TAOK3: variants seen among roughly 807,000 people sequenced by gnomAD.
TAOK3 encodes the protein TAO kinase 3.
In TAOK3, 40 loss-of-function variants were observed where a neutral mutation model predicts 120.4. The observed-to-expected ratio is 0.33, with a 90% CI of 0.26 to 0.43. The LOEUF (loss-of-function observed/expected upper bound fraction) is 0.43, where lower values mean the gene tolerates loss of function less well. Among genes scored for constraint, TAOK3 ranks in the 20% least tolerant of loss-of-function variants. The pLI, the probability that TAOK3 is intolerant of heterozygous loss-of-function variation, is 1.00. For missense variants in TAOK3, 821 were observed against 1,112.1 expected, an observed-to-expected ratio of 0.74 and a Z score of 3.72; for synonymous variants, 355 against 387.5, an observed-to-expected ratio of 0.92 and a Z score of 0.99.
At chr12:118,288,926 AAAAAAAAAAG>A (rs2042365440) in intron 1 of TAOK3, among the ~76,000 whole-genome samples, 1 of 151,392 alleles carries the variant, frequency 6.6e-6, no homozygotes, top group Non-Finnish European at 1.5e-5. Flanking sequence ...AAAAAAAAAA[AAAAAAAAAAG>A]AAAGAAAGAA....
intron 8 of TAOK3, among the ~76,000 whole-genome samples, chr12:118,234,846 C>T (rs2039956518): frequency 6.6e-6 from 1 of 152,168 alleles, no homozygotes; most frequent in Non-Finnish European, 1.5e-5. Flanking sequence ...CTTGTTTGTC[C>T]ATAATGCATC....
intron 1 of TAOK3, among the ~76,000 whole-genome samples, chr12:118,346,959 C>A (rs2044884377): frequency 6.6e-6 from 1 of 152,188 alleles, no homozygotes; most frequent in Admixed American, 6.5e-5. Context: ...CTTCCTCCTT[C>A]AGTTTTCCTT....
At chr12:118,236,002 G>T in intron 7 of TAOK3, 1 of 202,122 alleles carries the variant, frequency 4.9e-6, no homozygotes, top group Non-Finnish European at 1.0e-5. Context: ...ATTCTTAAAG[G>T]CTAAATCCAG....
chr12:118,305,657 C>A (rs564344356), intron 1 of TAOK3, among the ~76,000 whole-genome samples: 38 of 152,078 alleles, frequency 2.5e-4, no homozygotes, highest in Non-Finnish European at 4.9e-4. Context: ...GTAATCTCAG[C>A]ACTTTAGGAG....
chr12:118,295,994 A>C (rs2042666318), intron 1 of TAOK3, among the ~76,000 whole-genome samples: 1 of 152,206 alleles, frequency 6.6e-6, no homozygotes, highest in African/African-American at 2.4e-5. Flanking sequence ...AATCCCCTAG[A>C]AAGTCCTAGG....
intron 1 of TAOK3, among the ~76,000 whole-genome samples, chr12:118,370,852 A>G (rs974669800): frequency 6.6e-6 from 1 of 152,130 alleles, no homozygotes; most frequent in African/African-American, 2.4e-5. Context: ...GCCTCCCACC[A>G]GGACACACAG....
At chr12:118,342,443 T>C (rs1486462024) in intron 1 of TAOK3, among the ~76,000 whole-genome samples, 1 of 152,208 alleles carries the variant, frequency 6.6e-6, no homozygotes, top group Non-Finnish European at 1.5e-5. Flanking sequence ...AAATAGTACA[T>C]TTCATTTAAA....
intron 1 of TAOK3, among the ~76,000 whole-genome samples, chr12:118,292,099 G>T (rs912603333): frequency 6.6e-6 from 1 of 152,078 alleles, no homozygotes; most frequent in Admixed American, 6.6e-5. Flanking sequence ...GAGCCACTGC[G>T]CCCAACCCCA....
intron 1 of TAOK3, among the ~76,000 whole-genome samples, 186 bp from the exon 2 acceptor site, chr12:118,266,945 C>T (rs755370518): frequency 1.1e-4 from 17 of 152,206 alleles, no homozygotes; most frequent in African/African-American, 2.4e-4. Flanking sequence ...TACTCTTTCA[C>T]AGGCAATATC....
chr12:118,320,579 T>G (rs1826915535), intron 1 of TAOK3, among the ~76,000 whole-genome samples: 1 of 152,198 alleles, frequency 6.6e-6, no homozygotes, highest in Admixed American at 6.5e-5. Context: ...GTAATAGTTA[T>G]GATTGATTGG....
chr12:118,161,903 A>T lies in TAOK3; in HGVS notation c.2024T>A (p.Ile675Asn). 6.2e-7 allele frequency: 1 copy of T among 1,613,770 alleles called. No individual in the cohort carries two copies. Among genetic ancestry groups the T allele is most frequent in the Non-Finnish European group, 8.5e-7 (1 of 1,179,994 alleles). ...HTLQKLRMDL[I>N]RLQHQTELEN... ...CAGTTCCGTCTGGTGCTGTAAACGG[A>T]TCAGATCCATGCGTAGCTTCTGTAA... The change falls in exon 18 of 21, where the codon ATC (isoleucine) becomes AAC (asparagine). Residue 675 changes from isoleucine to asparagine, a missense_variant. By Grantham distance (149) the Ile-to-Asn change is moderately radical. Transcript: ENST00000392533. The surrounding 1 kb of genome is among the most constrained non-coding windows in gnomAD (Gnocchi z 4.5).
chr12:118,232,527 G>A (rs2039828595), intron 9 of TAOK3, among the ~76,000 whole-genome samples: 1 of 152,162 alleles, frequency 6.6e-6, no homozygotes. Context: ...ATAGTATGGA[G>A]AATGGATATT....
chr12:118,316,888 G>A (rs1216415451), intron 1 of TAOK3, among the ~76,000 whole-genome samples: 1 of 152,044 alleles, frequency 6.6e-6, no homozygotes, highest in African/African-American at 2.4e-5. Context: ...TCTATAATAA[G>A]AGCAAAAAGA....
At chr12:118,196,094 T>TAAATAAATAAATAAATAAAA (rs1338241804) in intron 13 of TAOK3, among the ~76,000 whole-genome samples, 3 of 145,968 alleles carry the variant, frequency 2.1e-5, no homozygotes, top group African/African-American at 7.5e-5. Context: ...AATAAATAAA[T>TAAATAAATAAATAAATAAAA]AAAAGGAAGT....
At chr12:118,158,390 C>T (rs2034984563) in intron 19 of TAOK3, among the ~76,000 whole-genome samples, 1 of 152,154 alleles carries the variant, frequency 6.6e-6, no homozygotes, top group South Asian at 2.1e-4. Context: ...TGCAGGTTTC[C>T]ATTATCTGTA....
chr12:118,209,074 C>T (rs946690795), intron 11 of TAOK3, among the ~76,000 whole-genome samples: 2 of 152,016 alleles, frequency 1.3e-5, no homozygotes, highest in Admixed American at 6.6e-5. Context: ...ATATTCATTA[C>T]GGCACAGTTT....
chr12:118,212,780 T>C, intron 11 of TAOK3, 134 bp downstream of exon 11: 2 of 565,942 alleles, frequency 3.5e-6, no homozygotes, highest in Admixed American at 3.4e-5. Flanking sequence ...CCTAGCTACT[T>C]ATCTCAGGAT....
chr12:118,177,136 G>C lies in TAOK3; in HGVS notation c.1695+65C>G, dbSNP rs115729634. ...TAGAATATTGATCACAATGCAAGAT[G>C]AGTGAATGTTAAGTTCCAACCATTC... On this transcript the variant is annotated intron_variant, in intron 16 of 20. Transcript: ENST00000392533. The C allele has an allele frequency of 2.0e-5, 30 of 1,498,648 alleles. No individual in the cohort carries two copies. In the African/African-American group the frequency reaches 3.9e-4, roughly 19 times the overall value. 92.8% of individuals were successfully genotyped at this position (1,498,648 alleles called of 1,614,324 possible).
chr12:118,213,377 A>C (rs1246588874), intron 10 of TAOK3, among the ~76,000 whole-genome samples: 1 of 152,154 alleles, frequency 6.6e-6, no homozygotes, highest in African/African-American at 2.4e-5. Flanking sequence ...TACCACCCAC[A>C]ATCTATAACA....
Sources: allele counts gnomAD v4.1 joint callset (sites outside exome capture counted in the v4.1 genomes callset), GRCh38; gene constraint gnomAD v4.1.1; non-coding constraint Gnocchi (gnomAD v3.1); transcripts MANE v1.5; gene names NCBI Gene and HGNC (gene_info 2026-07-23, HGNC 2026-07-21).